The following ARL15 variants were observed in gnomAD, a reference collection of about 807,000 sequenced individuals.
ARL15 encodes ADP-ribosylation factor-like protein 15.
In ARL15, 19 loss-of-function variants were observed where a neutral mutation model predicts 25.2. The observed-to-expected ratio is 0.75, with a 90% confidence interval of 0.53 to 1.10. ARL15 has a LOEUF of 1.10. Among genes scored for constraint, ARL15 ranks in the 50% least tolerant of loss-of-function variants. The pLI, the probability that ARL15 is intolerant of heterozygous loss-of-function variation, is 0.00. For synonymous variants in ARL15, 94 were observed against 86.8 expected (o/e 1.08, Z -0.46); for missense variants, 220 against 246.0 (o/e 0.89, Z 0.71).
chr5:54,253,966 C>T (rs12517270), intron 1 of ARL15, among the ~76,000 whole-genome samples: 5,710 of 152,268 alleles, frequency 0.037, 218 homozygotes, highest in East Asian at 0.19. Flanking sequence ...AGAACTTCCA[C>T]AAATTTTGGC....
At chr5:54,072,779 T>C (rs907472584) in intron 4 of ARL15, among the ~76,000 whole-genome samples, 4 of 152,206 alleles carry the variant, frequency 2.6e-5, no homozygotes, top group African/African-American at 9.6e-5. Flanking sequence ...AATTTCCTTT[T>C]CCCACTCCCT....
intron 1 of ARL15, among the ~76,000 whole-genome samples, chr5:54,198,096 C>T (rs372539368): frequency 7.2e-5 from 11 of 152,170 alleles, no homozygotes; most frequent in Non-Finnish European, 1.5e-4. Flanking sequence ...AATTCAACAA[C>T]CCTTCATGTT....
At chr5:54,085,703 A>G (rs1319893382) in intron 4 of ARL15, among the ~76,000 whole-genome samples, 1 of 152,092 alleles carries the variant, frequency 6.6e-6, no homozygotes, top group East Asian at 1.9e-4. Context: ...TCTAACTTGT[A>G]CTCTTAGATA....
chr5:54,078,994 G>A (rs984908447), intron 4 of ARL15, among the ~76,000 whole-genome samples: 2 of 152,050 alleles, frequency 1.3e-5, no homozygotes, highest in Non-Finnish European at 2.9e-5. Flanking sequence ...TCAGTGGTTT[G>A]TGCATTTCAC....
intron 4 of ARL15, among the ~76,000 whole-genome samples, chr5:53,958,034 A>C (rs1328017841): frequency 6.6e-6 from 1 of 151,942 alleles, no homozygotes; most frequent in Non-Finnish European, 1.5e-5. Context: ...ACATGGTGAA[A>C]ACCCATCTCT....
intron 2 of ARL15, among the ~76,000 whole-genome samples, chr5:54,156,605 T>A (rs146146899): frequency 3.3e-5 from 5 of 152,214 alleles, no homozygotes; most frequent in African/African-American, 1.2e-4. Context: ...AAAGTTACCA[T>A]TGAATGAAAA....
At chr5:54,144,205 T>A (rs1169311143) in intron 3 of ARL15, among the ~76,000 whole-genome samples, 1 of 151,876 alleles carries the variant, frequency 6.6e-6, no homozygotes. Context: ...ATCTAAATAT[T>A]TTTTTTTCAT....
Position 53,886,682 on chromosome 5 carries a change from G to A in ARL15, c.494C>T (p.Ala165Val). 1 of 1,569,918 alleles carries A rather than the reference G, an allele frequency of 6.4e-7. No homozygotes were observed. The highest frequency in any genetic ancestry group is 8.6e-7 in the Non-Finnish European group (1 of 1,157,360). Residue 165 changes from alanine to valine, a missense_variant, in exon 5 of 5, where the codon GCA (alanine) becomes GTA (valine). Transcript: ENST00000504924. ...CTGTAGAATCCAGCGTTTTCCACGT[G>A]CAAGTGGTTCAAGTTCAAAATATTT... Reference protein sequence around the residue: ...IKKYFELEPLARGKRWILQPC... With the variant: ...IKKYFELEPLVRGKRWILQPC...
chr5:53,998,541 AC>A (rs1748759063), intron 4 of ARL15, among the ~76,000 whole-genome samples: 1 of 152,238 alleles, frequency 6.6e-6, no homozygotes, highest in Non-Finnish European at 1.5e-5. Context: ...ACAGCCCTGC[AC>A]AGAAAGGGAC....
At chr5:53,958,824 T>C (rs1378352326) in intron 4 of ARL15, among the ~76,000 whole-genome samples, 12 of 152,226 alleles carry the variant, frequency 7.9e-5, no homozygotes, top group Non-Finnish European at 1.3e-4. Context: ...AAAGATATTA[T>C]GTATTGATAA....
chr5:53,954,658 G>A (rs1352239319), intron 4 of ARL15, among the ~76,000 whole-genome samples: 1 of 152,122 alleles, frequency 6.6e-6, no homozygotes, highest in Non-Finnish European at 1.5e-5. Context: ...TCCACACAGT[G>A]TTAGGCCTCT....
At chr5:54,050,898 C>A (rs79354314) in intron 4 of ARL15, among the ~76,000 whole-genome samples, 6,571 of 152,158 alleles carry the variant, frequency 0.043, 472 homozygotes, top group African/African-American at 0.15. Context: ...TGTTAACTTT[C>A]TAAATTATGA....
chr5:54,052,203 T>C (rs1229488100), intron 4 of ARL15, among the ~76,000 whole-genome samples: 3 of 152,048 alleles, frequency 2.0e-5, no homozygotes, highest in Non-Finnish European at 2.9e-5. Flanking sequence ...ACTCTAAAAG[T>C]AGATGTAAGA....
At chr5:54,198,579 C>T (rs904977840) in intron 1 of ARL15, among the ~76,000 whole-genome samples, 7 of 148,152 alleles carry the variant, frequency 4.7e-5, no homozygotes, top group African/African-American at 1.8e-4. Context: ...CCTAGGAATC[C>T]ACCTTACAAG....
chr5:53,996,844 C>G (rs1238088880), intron 4 of ARL15, among the ~76,000 whole-genome samples: 1 of 152,144 alleles, frequency 6.6e-6, no homozygotes, highest in Non-Finnish European at 1.5e-5. Flanking sequence ...ACACCTTACA[C>G]CTGTACCTTA....
chr5:54,061,693 G>A (rs1022271197), intron 4 of ARL15, among the ~76,000 whole-genome samples: 22 of 152,352 alleles, frequency 1.4e-4, no homozygotes, highest in African/African-American at 4.6e-4. Context: ...TGAATGCCCA[G>A]ATAGAAGTTT....
intron 1 of ARL15, among the ~76,000 whole-genome samples, chr5:54,267,592 A>C (rs1757663711): frequency 6.6e-6 from 1 of 152,138 alleles, no homozygotes; most frequent in Non-Finnish European, 1.5e-5. Flanking sequence ...CCTTACATTG[A>C]TAAAAATCTC....
At chr5:54,058,286 G>A (rs1579748809) in intron 4 of ARL15, among the ~76,000 whole-genome samples, 1 of 152,264 alleles carries the variant, frequency 6.6e-6, no homozygotes, top group East Asian at 1.9e-4. Flanking sequence ...GATTACAGGT[G>A]TGAGCCACCG....
intron 4 of ARL15, among the ~76,000 whole-genome samples, chr5:54,009,422 T>G (rs1360813573): frequency 6.6e-6 from 1 of 152,192 alleles, no homozygotes; most frequent in Non-Finnish European, 1.5e-5. Flanking sequence ...AGCATATTAT[T>G]CCAGCATCAC....
Sources: gnomAD v4.1 joint callset for allele counts (sites outside exome capture counted in the v4.1 genomes callset) on GRCh38, gnomAD v4.1.1 for gene constraint, MANE v1.5 for transcripts, NCBI Gene and HGNC (gene_info 2026-07-23, HGNC 2026-07-21) for gene names.